Variants in RAPGEF1 observed in about 807,000 individuals in gnomAD.
The protein encoded by RAPGEF1 is CRK SH3-binding GNRP.
In RAPGEF1, 33 loss-of-function variants were observed where a neutral mutation model predicts 143.3. The ratio of observed to expected loss-of-function variants is 0.23; its 90% CI spans 0.17 to 0.31. The LOEUF is 0.31. Ranked by LOEUF, RAPGEF1 falls within the 10% of genes least tolerant of loss-of-function variation. RAPGEF1 has a pLI of 1.00. For missense variants in RAPGEF1, 1,199 were observed against 1,645.4 expected (o/e 0.73, Z 4.69); for synonymous variants, 629 against 676.5 (o/e 0.93, Z 1.09).
Position 131,628,056 on chromosome 9 carries a change from C to A in RAPGEF1, c.1058G>T (p.Gly353Val), listed in dbSNP as rs1455727582. 2 of 1,570,240 alleles carry A rather than the reference C, an allele frequency of 1.3e-6. No homozygotes were observed. The highest frequency in any genetic ancestry group is 3.7e-5 in the Admixed American group (2 of 53,482). ...CTCTCCACCATATGAGTGGCTGCCTCCTGACAGTCGCCTCTGTGCGTAACA... is the reference window on the plus strand; with the variant it reads ...CTCTCCACCATATGAGTGGCTGCCTACTGACAGTCGCCTCTGTGCGTAACA... ...VDCYAQRRLS[G>V]GSHSYGGESP... Residue 353 changes from glycine (G) to valine (V), a missense_variant, in exon 9 of 27, where the codon GGA (glycine) becomes GTA (valine). Coordinates refer to ENST00000683357, the MANE Select transcript of RAPGEF1 (RefSeq NM_001377935.1). This position sits in a 1 kb window ranked among gnomAD's most constrained non-coding sequence, Gnocchi z 5.7.
intron 1 of RAPGEF1, among the ~76,000 whole-genome samples, chr9:131,688,221 CT>C (rs1000981573): frequency 3.9e-5 from 6 of 152,298 alleles, no homozygotes; most frequent in Middle Eastern, 3.4e-3. Context: ...AAGTCACTCC[CT>C]TTAAAAGCCC....
intron 5 of RAPGEF1, among the ~76,000 whole-genome samples, chr9:131,634,586 G>A (rs1427540134): frequency 2.0e-5 from 3 of 151,330 alleles, no homozygotes; most frequent in South Asian, 2.1e-4. Flanking sequence ...GGTTGTACGC[G>A]CCTGTAATCC....
intron 1 of RAPGEF1, among the ~76,000 whole-genome samples, chr9:131,717,811 G>C (rs1365246811): frequency 1.3e-5 from 2 of 150,554 alleles, no homozygotes; most frequent in African/African-American, 4.9e-5. Context: ...AAAGAGCGGG[G>C]GATGAGGGAC....
At chr9:131,688,054 A>C (rs907569755) in intron 1 of RAPGEF1, among the ~76,000 whole-genome samples, 3 of 152,182 alleles carry the variant, frequency 2.0e-5, no homozygotes, top group Non-Finnish European at 2.9e-5. Flanking sequence ...GTACCCAAGA[A>C]AAGAAAGGAA....
At chr9:131,651,364 T>A (rs1008496244) in intron 1 of RAPGEF1, among the ~76,000 whole-genome samples, 9 of 152,134 alleles carry the variant, frequency 5.9e-5, no homozygotes, top group Non-Finnish European at 1.0e-4. Flanking sequence ...CTGCAACAAG[T>A]GACATGTGCA....
rs1588963415 is a variant in RAPGEF1, at chr9:131,675,193, G to A, written c.62-24244C>T. 1.3e-5 allele frequency among the ~76,000 whole-genome samples: 2 copies of A among 152,044 alleles called. No individual in the cohort carries two copies. The highest frequency in any genetic ancestry group is 6.5e-5 in the Admixed American group (1 of 15,282). ...ATTTGCTGCACTTGGCTGGATTTGC[G>A]CTGTATTTCTCGTGGGGATGAGGCA... On this transcript the variant is annotated intron_variant, in intron 1 of 26. Transcript: ENST00000683357. The surrounding 1 kb of genome is among the most constrained non-coding windows in gnomAD (Gnocchi z 4.6).
chr9:131,730,294 G>C (rs1836960437), intron 1 of RAPGEF1, among the ~76,000 whole-genome samples: 2 of 151,042 alleles, frequency 1.3e-5, no homozygotes, highest in Non-Finnish European at 2.9e-5. Context: ...TTGATGATTA[G>C]TTAAGTGCTA....
chr9:131,724,188 T>C (rs180710356), intron 1 of RAPGEF1, among the ~76,000 whole-genome samples: 2 of 152,328 alleles, frequency 1.3e-5, no homozygotes, highest in Admixed American at 6.5e-5. Flanking sequence ...TGTGTGAGTG[T>C]CCGGCTGACA....
At chr9:131,602,505 G>A (rs1033629930) in intron 14 of RAPGEF1, among the ~76,000 whole-genome samples, 3 of 152,160 alleles carry the variant, frequency 2.0e-5, no homozygotes, top group African/African-American at 7.2e-5. Flanking sequence ...GACTTCGTCA[G>A]TGAGCTAACA....
At chr9:131,607,175 C>A (rs1184453255) in intron 12 of RAPGEF1, among the ~76,000 whole-genome samples, 3 of 152,212 alleles carry the variant, frequency 2.0e-5, no homozygotes, top group African/African-American at 7.2e-5. Flanking sequence ...AAGGCCAACC[C>A]TATGCCATGG....
intron 25 of RAPGEF1, among the ~76,000 whole-genome samples, chr9:131,582,382 T>C (rs1181261308): frequency 5.9e-5 from 9 of 151,922 alleles, no homozygotes. Context: ...GCTTCTTTTC[T>C]GTTTAAACTG....
chr9:131,608,766 G>A (rs543240194), intron 12 of RAPGEF1, among the ~76,000 whole-genome samples: 4 of 152,312 alleles, frequency 2.6e-5, no homozygotes, highest in Admixed American at 6.5e-5. Context: ...GGGCTCTGCA[G>A]ATGCCAGGAG....
intron 5 of RAPGEF1, among the ~76,000 whole-genome samples, chr9:131,636,060 T>C (rs1474658460): frequency 6.6e-6 from 1 of 152,198 alleles, no homozygotes; most frequent in Non-Finnish European, 1.5e-5. Context: ...TGTCTCTTCC[T>C]TGGGGAAGCG....
Position 131,714,826 on chromosome 9 carries a change from G to A in RAPGEF1, c.61+24944C>T, listed in dbSNP as rs139096446. On this transcript the variant is annotated intron_variant, in intron 1 of 26. Coordinates refer to ENST00000683357, the MANE Select transcript of RAPGEF1 (RefSeq NM_001377935.1). ...GGGCTCAAGCAATCCTCCTGTCTCA[G>A]CCTCCTGACTAGCTGGGACTATACG... Among the ~76,000 whole-genome samples, 3 of 151,016 alleles carry A rather than the reference G, an allele frequency of 2.0e-5. No homozygotes were observed. The East Asian group carries it at 5.9e-4, about 30-fold the overall frequency.
intron 5 of RAPGEF1, among the ~76,000 whole-genome samples, chr9:131,634,247 T>C (rs1447546895): frequency 6.6e-6 from 1 of 151,582 alleles, no homozygotes; most frequent in Non-Finnish European, 1.5e-5. Context: ...AGAGTGAGAC[T>C]GTCTCAGAAC....
chr9:131,642,565 C>T (rs913481325), intron 4 of RAPGEF1, among the ~76,000 whole-genome samples: 1 of 152,212 alleles, frequency 6.6e-6, no homozygotes, highest in Non-Finnish European at 1.5e-5. Flanking sequence ...TTTAAACCCA[C>T]CAATTAAAGC....
intron 11 of RAPGEF1, among the ~76,000 whole-genome samples, chr9:131,620,273 G>T (rs1271830644): frequency 9.1e-5 from 5 of 55,188 alleles, no homozygotes; most frequent in Non-Finnish European, 1.7e-4. Context: ...CTCAGCAATG[G>T]CTTTTTTTTT....
rs150302516 is a variant in RAPGEF1 at position 131,658,142 on chromosome 9, G to C, written c.62-7193C>G. Among the ~76,000 whole-genome samples, 656 of 152,322 alleles carry C rather than the reference G, an allele frequency of 4.3e-3. 4 individuals are homozygous for C. Among genetic ancestry groups the C allele is most frequent in the Middle Eastern group, 0.01 (3 of 294 alleles). ...AACACATGCCAACAGTCCTCTAAGA[G>C]CAGAACGGCTGGATTGTAGGGTATA... On this transcript the variant is annotated intron_variant, in intron 1 of 26. Coordinates refer to ENST00000683357, the MANE Select transcript of RAPGEF1 (RefSeq NM_001377935.1).
intron 1 of RAPGEF1, among the ~76,000 whole-genome samples, chr9:131,702,850 T>A (rs1184715347): frequency 6.6e-6 from 1 of 152,186 alleles, no homozygotes; most frequent in Non-Finnish European, 1.5e-5. Context: ...CATGATGGAA[T>A]GTCATAGTCA....
Sources: allele counts gnomAD v4.1 joint callset (sites outside exome capture counted in the v4.1 genomes callset), GRCh38; gene constraint gnomAD v4.1.1; non-coding constraint Gnocchi (gnomAD v3.1); transcripts MANE v1.5; gene names NCBI Gene and HGNC (gene_info 2026-07-23, HGNC 2026-07-21).